The following ASPHD1 variants were observed in gnomAD, a reference collection of about 807,000 sequenced individuals.
ASPHD1 encodes the protein aspartate beta-hydroxylase domain containing 1, also known as aspartate beta-hydroxylase domain-containing protein 1.
Under a neutral mutation model 28.3 loss-of-function variants are expected in ASPHD1, and 20 were observed. That is an observed-to-expected ratio of 0.71 (90% CI 0.50 to 1.03). The LOEUF (loss-of-function observed/expected upper bound fraction) is 1.03, where lower values mean the gene tolerates loss of function less well. Ranked by LOEUF, ASPHD1 falls within the 50% of genes least tolerant of loss-of-function variation. The pLI, the probability that ASPHD1 is intolerant of heterozygous loss-of-function variation, is 0.00. For missense variants in ASPHD1, 479 were observed against 524.1 expected, an observed-to-expected ratio of 0.91 and a Z score of 0.84; for synonymous variants, 240 against 221.2, an observed-to-expected ratio of 1.08 and a Z score of -0.75.
At chr16:29,905,629 G>GAAA (rs770029376) in intron 2 of ASPHD1, among the ~76,000 whole-genome samples, 159 bp from the exon 3 acceptor site, 12 of 49,774 alleles carry the variant, frequency 2.4e-4, no homozygotes, top group East Asian at 5.7e-4. Flanking sequence ...TCCATCTCAG[G>GAAA]AAAAAAAAAA....
chr16:29,909,213 A>C (rs762454846), downstream of ASPHD1, among the ~76,000 whole-genome samples: 4 of 152,080 alleles, frequency 2.6e-5, no homozygotes, highest in Non-Finnish European at 5.9e-5. Context: ...ATGATAAAAC[A>C]CTGTCTTTAG....
intron 3 of ASPHD1, among the ~76,000 whole-genome samples, chr16:29,918,080 T>G (rs1335231378): frequency 6.6e-6 from 1 of 152,216 alleles, no homozygotes; most frequent in East Asian, 1.9e-4. Flanking sequence ...CAAGAATTTT[T>G]CAAGTTGACA....
At chr16:29,906,646 T>C (rs2068618467), downstream of ASPHD1, 1 of 674,862 alleles carries the variant, frequency 1.5e-6, no homozygotes, top group South Asian at 1.5e-5. Context: ...TGGGGACAAG[T>C]GTTGGCTTCG....
Position 29,901,391 on chromosome 16 carries a change from T to C in ASPHD1, c.420T>C (p.Pro140=). Residue 140 remains proline (P), a synonymous_variant, in exon 1 of 3, where the codon CCT becomes CCC. Coordinates refer to ENST00000308748, the MANE Select transcript of ASPHD1 (RefSeq NM_181718.4). The surrounding 1 kb of genome is among the most constrained non-coding windows in gnomAD (Gnocchi z 5.1). Reference sequence around the variant, plus strand: ...GTCCTGGGGATCCCGGGGAAGGACCTAGGACGGAAGGCCTAGTGAGCCGGC... The same window carrying C: ...GTCCTGGGGATCCCGGGGAAGGACCCAGGACGGAAGGCCTAGTGAGCCGGC... ...PGGPGDPGEG[P]RTEGLVSRRL... 6.3e-7 allele frequency: 1 copy of C among 1,591,722 alleles called. No individual in the cohort carries two copies. Among genetic ancestry groups the C allele is most frequent in the Non-Finnish European group, 8.5e-7 (1 of 1,170,420 alleles).
chr16:29,901,136 G>C lies in ASPHD1; in HGVS notation c.165G>C (p.Glu55Asp). 6.2e-7 allele frequency: 1 copy of C among 1,609,622 alleles called. No individual in the cohort carries two copies. Among genetic ancestry groups the C allele is most frequent in the South Asian group, 1.1e-5 (1 of 90,590 alleles). ...GGGGACAGGGGAACTGGGGTCCGGA[G>C]GACGCCCCAGGCCTCTTGGCCAGGG... ...ELGGQGNWGP[E>D]DAPGLLARAS... is the part of the protein sequence containing the mutation. The change falls in exon 1 of 3, where the codon GAG (glutamate) becomes GAC (aspartate). Residue 55 changes from glutamate (E) to aspartate (D), a missense_variant. By Grantham distance (45) the Glu-to-Asp change is conservative. Transcript: ENST00000308748. This position sits in a 1 kb window ranked among gnomAD's most constrained non-coding sequence, Gnocchi z 5.1.
At chr16:29,911,296 A>C (rs79922206) in intron 3 of ASPHD1, 19 of 755,284 alleles carry the variant, frequency 2.5e-5, no homozygotes, top group Non-Finnish European at 3.7e-5. Context: ...TGCTCAACAG[A>C]GAGCCTCCTC....
Position 29,902,883 on chromosome 16 carries a change from C to CTTTTTTTTTTTTTT in ASPHD1, c.949+968_949+969insTTTTTTTTTTTTTT, listed in dbSNP as rs370689330. On this transcript the variant is annotated intron_variant, in intron 1 of 2. Transcript: ENST00000308748. ...CAGTAGCACCAAACTGAGATTTTTT[C>CTTTTTTTTTTTTTT]TTTTTCTTTTTTTTTTTTTTTTGAG... Among the ~76,000 whole-genome samples, 2 of 107,552 alleles carry CTTTTTTTTTTTTTT rather than the reference C, an allele frequency of 1.9e-5. 1 individual carries two copies. Among genetic ancestry groups the CTTTTTTTTTTTTTT allele is most frequent in the Non-Finnish European group, 3.6e-5 (2 of 55,072 alleles). The allele number at this position is 107,552 out of a possible 152,430, so 70.6% of individuals were successfully genotyped here. A position where few individuals can be genotyped will look rare whatever the true frequency, so the allele number is the denominator to read the frequency against.
At chr16:29,906,713 T>C (rs1129700), downstream of ASPHD1, 349,175 of 685,202 alleles carry the variant, frequency 0.51, 91,461 homozygotes, top group Non-Finnish European at 0.56. Flanking sequence ...GGGGTTGGGA[T>C]GGGTGGAGAA....
At chr16:29,910,578 C>T (rs201938687), downstream of ASPHD1, among the ~76,000 whole-genome samples, 12 of 152,144 alleles carry the variant, frequency 7.9e-5, no homozygotes, top group East Asian at 1.7e-3. Context: ...AGGCTGGTCT[C>T]GAACTCCTGG....
In ASPHD1 at chr16:29,901,680, C is replaced by A; in HGVS notation, c.709C>A (p.Pro237Thr). 1 of 1,584,714 alleles carries A rather than the reference C, an allele frequency of 6.3e-7. No individual in the cohort carries two copies. Among genetic ancestry groups the A allele is most frequent in the Non-Finnish European group, 8.5e-7 (1 of 1,170,214 alleles). ...CTGGGACTTCTCAGGGACTACCCCT[C>A]CGCCTCGGGGCTGGTCCCCACCTCT... ...VSWDFSGTTPPPRGWSPPLAP... is the reference protein window; with the variant it reads ...VSWDFSGTTPTPRGWSPPLAP... The change falls in exon 1 of 3, where the codon CCG becomes ACG. Residue 237 changes from proline (P) to threonine (T), a missense_variant. Physicochemically the swap from Pro to Thr is conservative, Grantham distance 38. Coordinates refer to ENST00000308748, the MANE Select transcript of ASPHD1 (RefSeq NM_181718.4). This position sits in a 1 kb window ranked among gnomAD's most constrained non-coding sequence, Gnocchi z 5.1.
intron 2 of ASPHD1, 35 bp from the exon 3 acceptor site, chr16:29,905,753 C>T: frequency 6.7e-7 from 1 of 1,502,424 alleles, no homozygotes; most frequent in Non-Finnish European, 9.2e-7. Flanking sequence ...TACCTAATGT[C>T]AGTGGCTCTG....
chr16:29,906,085 G>A (rs529393994), downstream of ASPHD1: 1,224 of 492,496 alleles, frequency 2.5e-3, 7 homozygotes, highest in Middle Eastern at 7.0e-3. Context: ...GCAGGGAGAG[G>A]CTGGGGCAGG....
At chr16:29,910,299 G>A (rs1187868101), downstream of ASPHD1, among the ~76,000 whole-genome samples, 3 of 152,022 alleles carry the variant, frequency 2.0e-5, no homozygotes, top group Non-Finnish European at 4.4e-5. Flanking sequence ...TGGGGAGGCT[G>A]AGGCAGAAGA....
At chr16:29,918,612 A>T (rs554797449) in intron 3 of ASPHD1, among the ~76,000 whole-genome samples, 1 of 151,470 alleles carries the variant, frequency 6.6e-6, no homozygotes, top group Non-Finnish European at 1.5e-5. Flanking sequence ...CTGGGACTAC[A>T]GGCACCCACC....
intron 3 of ASPHD1, among the ~76,000 whole-genome samples, chr16:29,917,143 G>A (rs1057199396): frequency 2.0e-5 from 3 of 152,104 alleles, no homozygotes; most frequent in Admixed American, 6.6e-5. Context: ...TTTGGTGTGG[G>A]AGGGGACTGA....
At chr16:29,912,257 C>A in intron 3 of ASPHD1, 1 of 595,874 alleles carries the variant, frequency 1.7e-6, no homozygotes. Context: ...TTCACACATC[C>A]AGCTTGTGCC....
At chr16:29,918,387 G>C (rs2068846752) in intron 3 of ASPHD1, among the ~76,000 whole-genome samples, 1 of 152,138 alleles carries the variant, frequency 6.6e-6, no homozygotes. Flanking sequence ...TGCTTGATGT[G>C]GCCCAACGTG....
downstream of ASPHD1, chr16:29,906,057 C>A: frequency 1.9e-6 from 1 of 531,654 alleles, no homozygotes; most frequent in Admixed American, 3.5e-5. Flanking sequence ...CCTCTCCTAA[C>A]TCCCGACTAC....
intron 3 of ASPHD1, among the ~76,000 whole-genome samples, chr16:29,917,371 G>A (rs1263943196): frequency 6.6e-6 from 1 of 152,158 alleles, no homozygotes; most frequent in Non-Finnish European, 1.5e-5. Flanking sequence ...TATAGGTCAG[G>A]TATAGCGGAT....
Sources: gnomAD v4.1 joint callset for allele counts (sites outside exome capture counted in the v4.1 genomes callset) on GRCh38, gnomAD v4.1.1 for gene constraint, Gnocchi (gnomAD v3.1) non-coding constraint, MANE v1.5 for transcripts, NCBI Gene and HGNC (gene_info 2026-07-23, HGNC 2026-07-21) for gene names.